ZBTB17: variants seen among roughly 807,000 people sequenced by gnomAD.
The protein encoded by ZBTB17 is zinc finger and BTB domain containing 17, also known as zinc finger and BTB domain-containing protein 17.
Under a neutral mutation model 85.1 loss-of-function variants are expected in ZBTB17, and 24 were observed. The ratio of observed to expected loss-of-function variants is 0.28; its 90% CI spans 0.20 to 0.40. The LOEUF (loss-of-function observed/expected upper bound fraction) is 0.40. Among genes scored for constraint, ZBTB17 ranks in the 10% least tolerant of loss-of-function variants. ZBTB17 has a pLI of 1.00. For synonymous variants in ZBTB17, 464 were observed against 460.2 expected (o/e 1.01, Z -0.11); for missense variants, 743 against 1,105.1 (o/e 0.67, Z 4.65).
At chr1:15,958,467 TTCCACCGTCAGGCCTTTGTTATG>T (rs1439441029) in intron 2 of ZBTB17, among the ~76,000 whole-genome samples, 115 of 150,652 alleles carry the variant, frequency 7.6e-4, no homozygotes, top group Non-Finnish European at 1.2e-3. Flanking sequence ...GGCTGCAGCC[TTCCACCGTCAGGCCTTTGTTATG>T]GAGCAACTCA....
At chr1:15,942,291 C>T (rs372387639) in intron 15 of ZBTB17, 39 bp from the exon 16 acceptor site, 481 of 1,613,716 alleles carry the variant, frequency 3.0e-4, no homozygotes, top group South Asian at 8.5e-4. Flanking sequence ...GGAAGGACCC[C>T]GGGCTCTGCC....
At chr1:15,969,195 C>T (rs747907783) in intron 2 of ZBTB17, among the ~76,000 whole-genome samples, 3 of 152,204 alleles carry the variant, frequency 2.0e-5, no homozygotes, top group Non-Finnish European at 2.9e-5. Context: ...AATCTAATGC[C>T]TGATGATCTG....
intron 2 of ZBTB17, among the ~76,000 whole-genome samples, chr1:15,960,431 T>C (rs529626479): frequency 2.0e-5 from 3 of 152,100 alleles, no homozygotes; most frequent in Non-Finnish European, 2.9e-5. Flanking sequence ...AAAAACTATA[T>C]AGAAAGAAGA....
rs1570196735 is a variant in ZBTB17, at chr1:15,966,317, T to C, written c.-3+6722A>G. Among the ~76,000 whole-genome samples, 1 of 152,150 alleles carries C rather than the reference T, an allele frequency of 6.6e-6. No individual in the cohort carries two copies. Among genetic ancestry groups the C allele is most frequent in the Non-Finnish European group, 1.5e-5 (1 of 68,010 alleles). On this transcript the variant is annotated intron_variant, in intron 2 of 15. Transcript: ENST00000375743. The surrounding 1 kb of genome is among the most constrained non-coding windows in gnomAD (Gnocchi z 4.1). ...CTGCTTAGGTTAATAAGTTCCAGTA[T>C]AGGAAGTGGTGCGGCTGGGGTGGGG...
At chr1:15,960,434 A>C (rs1027845372) in intron 2 of ZBTB17, among the ~76,000 whole-genome samples, 13 of 152,324 alleles carry the variant, frequency 8.5e-5, no homozygotes, top group African/African-American at 3.1e-4. Context: ...AACTATATAG[A>C]AAGAAGAGAG....
chr1:15,971,453 CA>C (rs2072663787), intron 2 of ZBTB17, among the ~76,000 whole-genome samples: 1 of 133,206 alleles, frequency 7.5e-6, no homozygotes, highest in Non-Finnish European at 1.6e-5. Context: ...TATATACACA[CA>C]CACTATATAT....
rs2071442584 is a variant in ZBTB17, at chr1:15,943,406, C to T, written c.1690G>A (p.Gly564Ser). ...TGGGGGAGGGGGCAGGACCTCTTGCCGCAGCGCTCGCAGACGTAGGGCTTC... is the reference window on the plus strand; with the variant it reads ...TGGGGGAGGGGGCAGGACCTCTTGCTGCAGCGCTCGCAGACGTAGGGCTTC... The part of the protein sequence containing the change: ...GEKPYVCERC[G>S]KRFVQSSQLA... Residue 564 changes from glycine to serine, a missense_variant, in exon 12 of 16, where the codon GGC becomes AGC. Physicochemically the swap from Gly to Ser is moderately conservative, Grantham distance 56. Around this residue, in one of 4 missense-constraint regions of ZBTB17, gnomAD observed 321 missense variants for 615.7 expected, o/e 0.52. Transcript: ENST00000375743. 1 of 1,597,362 alleles carries T rather than the reference C, an allele frequency of 6.3e-7. No individual in the cohort carries two copies. Among genetic ancestry groups the T allele is most frequent in the Non-Finnish European group, 8.5e-7 (1 of 1,171,252 alleles).
At chr1:15,967,007 A>G (rs141800739) in intron 2 of ZBTB17, among the ~76,000 whole-genome samples, 1 of 152,034 alleles carries the variant, frequency 6.6e-6, no homozygotes, top group Non-Finnish European at 1.5e-5. Context: ...TGTTTTGTAC[A>G]TAAAATGTAT....
At chr1:15,975,344 A>C (rs1570238701) in intron 1 of ZBTB17, among the ~76,000 whole-genome samples, 1 of 152,358 alleles carries the variant, frequency 6.6e-6, no homozygotes, top group East Asian at 1.9e-4. Flanking sequence ...CTAAGGTCAC[A>C]GCAGGGAATG....
rs535162148 is a variant in ZBTB17 at position 15,952,909 on chromosome 1, C to T, written c.-2-4412G>A. ...CATCCAACTAAGAAAGACTGACTCACCGATGACTTATGCCACTGGGTTTTG... is the reference window on the plus strand; with the variant it reads ...CATCCAACTAAGAAAGACTGACTCATCGATGACTTATGCCACTGGGTTTTG... On this transcript the variant is annotated intron_variant, in intron 2 of 15. Coordinates refer to ENST00000375743, the MANE Select transcript of ZBTB17 (RefSeq NM_003443.3). The surrounding 1 kb of genome is among the most constrained non-coding windows in gnomAD (Gnocchi z 4.3). The T allele has an allele frequency of 6.6e-6, 1 of 152,310 alleles. No homozygotes were observed. Among genetic ancestry groups the T allele is most frequent in the African/African-American group, 2.4e-5 (1 of 41,456 alleles). 9.4% of individuals were successfully genotyped at this position (152,310 alleles called of 1,614,324 possible). A position where few individuals can be genotyped will look rare whatever the true frequency, so the allele number is the denominator to read the frequency against.
At chr1:15,944,873 G>T in intron 7 of ZBTB17, 34 bp from the exon 8 acceptor site, 1 of 1,570,018 alleles carries the variant, frequency 6.4e-7, no homozygotes, top group Admixed American at 1.9e-5. Context: ...GGTGTGAGGA[G>T]CAGCCGGTGG....
Position 15,945,075 on chromosome 1 carries a change from G to T in ZBTB17, c.789C>A (p.Pro263=). 6.2e-7 allele frequency: 1 copy of T among 1,611,490 alleles called. No homozygotes were observed. Among genetic ancestry groups the T allele is most frequent in the African/African-American group, 1.3e-5 (1 of 74,998 alleles). The part of the protein sequence containing the change: ...EGSQLENGEA[P]EENENEESAG... ...CTGACTCCTCATTCTCGTTCTCCTC[G>T]GGGGCCTCTCCGTTCTCCAGCTGGG... The change falls in exon 7 of 16, where the codon CCC becomes CCA. Residue 263 remains proline, a synonymous_variant. Transcript: ENST00000375743.
chr1:15,966,362 G>C lies in ZBTB17; in HGVS notation c.-3+6677C>G, dbSNP rs2072441974. Among the ~76,000 whole-genome samples, 1 of 151,960 alleles carries C rather than the reference G, an allele frequency of 6.6e-6. No homozygotes were observed. The highest frequency in any genetic ancestry group is 1.5e-5 in the Non-Finnish European group (1 of 67,956). On this transcript the variant is annotated intron_variant, in intron 2 of 15. Coordinates refer to ENST00000375743, the MANE Select transcript of ZBTB17 (RefSeq NM_003443.3). The surrounding 1 kb of genome is among the most constrained non-coding windows in gnomAD (Gnocchi z 4.1). ...GTGGGGAGAACAGATTCTACTGCCAGACCTTTCAAGACCAGAAGCTGAGTA... is the reference window on the plus strand; with the variant it reads ...GTGGGGAGAACAGATTCTACTGCCACACCTTTCAAGACCAGAAGCTGAGTA...
At chr1:15,959,508 A>AGAGGGAGGGAGGGAGGGAGG (rs71003220) in intron 2 of ZBTB17, among the ~76,000 whole-genome samples, 2 of 105,900 alleles carry the variant, frequency 1.9e-5, no homozygotes, top group Non-Finnish European at 1.9e-5. Flanking sequence ...AAGAGGGAGG[A>AGAGGGAGGGAGGGAGGGAGG]GAGGGAGGGA....
intron 2 of ZBTB17, among the ~76,000 whole-genome samples, chr1:15,957,517 A>G (rs1287302015): frequency 2.0e-5 from 3 of 152,134 alleles, no homozygotes; most frequent in Non-Finnish European, 4.4e-5. Flanking sequence ...TCAGGGACAC[A>G]GCGGACTTTG....
intron 3 of ZBTB17, 172 bp downstream of exon 3, chr1:15,948,119 C>T (rs1298001670): frequency 1.3e-6 from 1 of 751,608 alleles, no homozygotes; most frequent in Non-Finnish European, 2.2e-6. Flanking sequence ...CAAAACAGGC[C>T]CCCAAAAGGT....
chr1:15,971,190 C>CT (rs199566736), intron 2 of ZBTB17, among the ~76,000 whole-genome samples: 1 of 151,414 alleles, frequency 6.6e-6, no homozygotes, highest in East Asian at 1.9e-4. Context: ...TAGATCAAAA[C>CT]TTGTTTGCTA....
At chr1:15,950,107 G>A (rs1037506077) in intron 2 of ZBTB17, among the ~76,000 whole-genome samples, 1 of 152,250 alleles carries the variant, frequency 6.6e-6, no homozygotes, top group Non-Finnish European at 1.5e-5. Context: ...GGCCAGCCCC[G>A]AAATCAGGAG....
chr1:15,952,516 C>T lies in ZBTB17; in HGVS notation c.-2-4019G>A, dbSNP rs1209133408. Among the ~76,000 whole-genome samples the T allele has an allele frequency of 2.6e-5, 4 of 152,246 alleles. No individual in the cohort carries two copies. Among genetic ancestry groups the T allele is most frequent in the South Asian group, 2.1e-4 (1 of 4,838 alleles). On this transcript the variant is annotated intron_variant, in intron 2 of 15. Transcript: ENST00000375743. This position sits in a 1 kb window ranked among gnomAD's most constrained non-coding sequence, Gnocchi z 4.3. ...ATTCCTCCCCTGCCAGGGCCCACCA[C>T]GCCTCCCATGGAGAGACGGTGTCTG...
Sources: gnomAD v4.1 joint callset for allele counts (sites outside exome capture counted in the v4.1 genomes callset) on GRCh38, gnomAD v4.1.1 for gene constraint, gnomAD v4.1.1 regional missense constraint, Gnocchi (gnomAD v3.1) non-coding constraint, MANE v1.5 for transcripts, NCBI Gene and HGNC (gene_info 2026-07-23, HGNC 2026-07-21) for gene names.